HDAC6: variants seen among roughly 807,000 people sequenced by gnomAD.
HDAC6 encodes the protein histone deacetylase 6.
HDAC6 carries 5 observed loss-of-function variants against 88.9 expected under a neutral mutation model. That is an observed-to-expected ratio of 0.06 (90% CI 0.03 to 0.12). HDAC6 has a LOEUF of 0.12. Ranked by LOEUF, HDAC6 falls within the 10% of genes least tolerant of loss-of-function variation. The pLI is 1.00. For missense variants in HDAC6, 706 were observed against 1,014.4 expected (o/e 0.70, Z 4.13); for synonymous variants, 378 against 398.0 (o/e 0.95, Z 0.60).
chrX:48,813,551 G>A (rs1408486699), intron 10 of HDAC6: 1 of 112,241 alleles, frequency 8.9e-6, no homozygotes, highest in Non-Finnish European at 1.9e-5. Context: ...GGGGGTAAAT[G>A]ACCAGATAGA....
Position 48,802,743 on chromosome X carries a change from G to T in HDAC6, c.51G>T (p.Arg17Ser), listed in dbSNP as rs375722411. The part of the protein sequence containing the change: ...DSTTTRQRRS[R>S]QNPQSPPQDS... ...CCACAACCAGGCAGCGAAGAAGTAG[G>T]CAGAACCCCCAGTCGCCCCCTCAGG... is the stretch of plus-strand genomic sequence containing the variant. Residue 17 changes from arginine (R) to serine (S), a missense_variant, in exon 2 of 29, where the codon AGG becomes AGT. Transcript: ENST00000334136. The T allele has an allele frequency of 5.8e-6, 7 of 1,207,063 alleles. No homozygotes were observed. In the East Asian group the frequency reaches 2.1e-4, roughly 36 times the overall value.
At position 48,823,735 on chromosome X, in the gene HDAC6, G is replaced by A; in HGVS notation, c.3253G>A (p.Asp1085Asn). ...ACTAGGAGAGGCAGCTGGAGGTCAG[G>A]ACATGGCTGATTCGATGCTGATGCA... ...NLLGEAAGGQ[D>N]MADSMLMQGS... Residue 1085 changes from aspartate (D) to asparagine (N), a missense_variant, in exon 26 of 29, where the codon GAC (aspartate) becomes AAC (asparagine). Around this residue, in one of 9 missense-constraint regions of HDAC6, gnomAD observed 112 missense variants for 95.1 expected, o/e 1.18. Transcript: ENST00000334136. 4 of 1,210,492 alleles carry A rather than the reference G, an allele frequency of 3.3e-6. No individual in the cohort carries two copies. Among genetic ancestry groups the A allele is most frequent in the Non-Finnish European group, 3.4e-6 (3 of 894,708 alleles).
rs1557024042 is a variant in HDAC6 at position 48,805,679 on chromosome X, C to T, written c.437+8C>T. Reference sequence around the variant, plus strand: ...GCTGATGTTGGTTCACAGGTGAAGGCTTGGGAGCCTTGTAGGGATGGGGAG... The same window carrying T: ...GCTGATGTTGGTTCACAGGTGAAGGTTTGGGAGCCTTGTAGGGATGGGGAG... On this transcript the variant is annotated splice_region_variant and intron_variant, in intron 6 of 28. Coordinates refer to ENST00000334136, the MANE Select transcript of HDAC6 (RefSeq NM_006044.4). The T allele has an allele frequency of 8.6e-7, 1 of 1,160,966 alleles. No individual in the cohort carries two copies. The highest frequency in any genetic ancestry group is 1.2e-6 in the Non-Finnish European group (1 of 865,402).
At chrX:48,806,947 C>A (rs1557024580) in intron 8 of HDAC6, 1 of 277,176 alleles carries the variant, frequency 3.6e-6, no homozygotes, top group African/African-American at 2.7e-5. Flanking sequence ...GAAATAAATA[C>A]CATATTTCAT....
At chrX:48,817,632 G>A in intron 20 of HDAC6, 173 bp downstream of exon 20, 1 of 452,830 alleles carries the variant, frequency 2.2e-6, no homozygotes, top group Non-Finnish European at 3.7e-6. Context: ...GCCTCTCAGT[G>A]CTTATTTAGA....
chrX:48,801,886 T>C, upstream of HDAC6: 1 of 971,706 alleles, frequency 1.0e-6, no homozygotes, highest in Non-Finnish European at 1.3e-6. Flanking sequence ...CGCCAGAAAC[T>C]TGGTGGAGCG....
At chrX:48,803,346 A>G (rs915245330) in intron 4 of HDAC6, 130 bp downstream of exon 4, 19 of 515,217 alleles carry the variant, frequency 3.7e-5, no homozygotes, top group African/African-American at 1.4e-4. Flanking sequence ...GGTAGGGCTC[A>G]CACTTGAAAG....
chrX:48,811,844 G>C (rs1285759837), intron 10 of HDAC6, among the ~76,000 whole-genome samples: 2 of 110,922 alleles, frequency 1.8e-5, no homozygotes, highest in African/African-American at 6.6e-5. Flanking sequence ...TTCATTTCTG[G>C]CTTCTGGAAT....
At chrX:48,802,835 A>G in intron 2 of HDAC6, 36 bp from the exon 3 acceptor site, 4 of 1,207,794 alleles carry the variant, frequency 3.3e-6, no homozygotes, top group Non-Finnish European at 4.5e-6. Flanking sequence ...CAAGTTGGTC[A>G]TGCCCTGGAC....
intron 22 of HDAC6, chrX:48,819,546 C>CT (rs782353677): frequency 7.5e-3 from 923 of 123,074 alleles, no homozygotes; most frequent in South Asian, 0.018. Context: ...CCATCTGTCC[C>CT]TTTTTTTTTT....
intron 10 of HDAC6, among the ~76,000 whole-genome samples, chrX:48,810,070 CTT>C (rs782495768): frequency 1.4e-4 from 13 of 95,100 alleles, no homozygotes; most frequent in Admixed American, 2.3e-4. Flanking sequence ...TCTTGGTGTT[CTT>C]TTTTTTTTTT....
intron 8 of HDAC6, among the ~76,000 whole-genome samples, chrX:48,807,673 C>T (rs1180995249): frequency 9.0e-6 from 1 of 111,631 alleles, no homozygotes; most frequent in Non-Finnish European, 1.9e-5. Context: ...CCACCACACC[C>T]AGCTAATTTT....
rs1319731941 is a variant in HDAC6, at chrX:48,808,106, C to T, written c.706C>T (p.Arg236Cys). ...GTTCAACCACGTGGCTGTGGCAGCCCGCTATGCTCAACAGAAACACCGCAT... is the reference window on the plus strand; with the variant it reads ...GTTCAACCACGTGGCTGTGGCAGCCTGCTATGCTCAACAGAAACACCGCAT... ...CMFNHVAVAA[R>C]YAQQKHRIRR... Residue 236 changes from arginine to cysteine, a missense_variant, in exon 9 of 29, where the codon CGC becomes TGC. Arg to Cys is a radical substitution (Grantham distance 180). Transcript: ENST00000334136. The T allele has an allele frequency of 3.3e-6, 4 of 1,206,058 alleles. No homozygotes were observed. The highest frequency in any genetic ancestry group is 4.5e-6 in the Non-Finnish European group (4 of 891,994).
chrX:48,814,030 G>C (rs782714737), intron 10 of HDAC6: 374 of 136,215 alleles, frequency 2.7e-3, no homozygotes, highest in Non-Finnish European at 4.8e-3. Flanking sequence ...ATAGGGGCAG[G>C]TAGTGGGCGG....
chrX:48,806,591 TC>T lies in HDAC6; in HGVS notation c.535-14del, dbSNP rs1557024409. The T allele has an allele frequency of 1.7e-6, 2 of 1,157,769 alleles. No individual in the cohort carries two copies. Among genetic ancestry groups the T allele is most frequent in the Non-Finnish European group, 2.4e-6 (2 of 847,266 alleles). Reference sequence around the variant, plus strand: ...TTCTCTCCCTTACTCCCTTTCTGGCTCCCCACTGTCTCTCCAGAACTCATAC... The same window carrying T: ...TTCTCTCCCTTACTCCCTTTCTGGCTCCCACTGTCTCTCCAGAACTCATAC... On this transcript the variant is annotated splice_polypyrimidine_tract_variant and intron_variant, in intron 7 of 28. Coordinates refer to ENST00000334136, the MANE Select transcript of HDAC6 (RefSeq NM_006044.4).
rs2063142400 is a variant in HDAC6 at position 48,824,925 on chromosome X, C to T, written c.*313C>T. The stretch of plus-strand genomic sequence containing the variant: ...ATAACATTGGCGGGAGGGGAGTTAA[C>T]TGGCAGGCATGGCAAGGTTGCATAT... On this transcript the variant is annotated 3_prime_UTR_variant, in exon 29 of 29. Coordinates refer to ENST00000334136, the MANE Select transcript of HDAC6 (RefSeq NM_006044.4). 1 of 1,072,289 alleles carries T rather than the reference C, an allele frequency of 9.3e-7. No individual in the cohort carries two copies. The highest frequency in any genetic ancestry group is 1.9e-5 in the African/African-American group (1 of 53,618). 88.4% of individuals were successfully genotyped at this position (1,072,289 alleles called of 1,213,427 possible). A position where few individuals can be genotyped will look rare whatever the true frequency, so the allele number is the denominator to read the frequency against.
At chrX:48,816,666 C>T in intron 19 of HDAC6, 33 bp downstream of exon 19, 1 of 1,105,729 alleles carries the variant, frequency 9.0e-7, no homozygotes, top group Non-Finnish European at 1.2e-6. Context: ...AGAGGAGGAC[C>T]TGGGGGGAAT....
chrX:48,818,751 G>A (rs1220758079), intron 22 of HDAC6, among the ~76,000 whole-genome samples: 1 of 112,238 alleles, frequency 8.9e-6, no homozygotes, highest in Non-Finnish European at 1.9e-5. Context: ...GTATGTGCGT[G>A]TGCGACTCTG....
At chrX:48,803,414 G>T in intron 4 of HDAC6, 198 bp downstream of exon 4, 1 of 424,166 alleles carries the variant, frequency 2.4e-6, no homozygotes, top group Non-Finnish European at 4.1e-6. Context: ...CCAAGAGTTG[G>T]TGATACAAAT....
Sources: gnomAD v4.1 joint callset for allele counts (sites outside exome capture counted in the v4.1 genomes callset) on GRCh38, gnomAD v4.1.1 for gene constraint, gnomAD v4.1.1 regional missense constraint, MANE v1.5 for transcripts, NCBI Gene and HGNC (gene_info 2026-07-23, HGNC 2026-07-21) for gene names.